DGKI: variants seen among roughly 807,000 people sequenced by gnomAD.
DGKI encodes DAG kinase iota.
In DGKI, 55 loss-of-function variants were observed where a neutral mutation model predicts 147.5. The ratio of observed to expected loss-of-function variants is 0.37; its 90% CI spans 0.30 to 0.47. DGKI has a LOEUF of 0.47. DGKI is among the 20% of genes least tolerant of loss of function. The probability of loss-of-function intolerance (pLI) is 1.00; values close to 1 mark genes in which losing one functional copy is unlikely to be tolerated. For missense variants in DGKI, 1,007 were observed against 1,323.8 expected (o/e 0.76, Z 3.71); for synonymous variants, 469 against 477.1 (o/e 0.98, Z 0.22).
chr7:137,779,614 C>T (rs1796459392), intron 1 of DGKI, among the ~76,000 whole-genome samples: 1 of 152,034 alleles, frequency 6.6e-6, no homozygotes, highest in South Asian at 2.1e-4. Context: ...TACTAATAAA[C>T]ATTTTTAAAC....
chr7:137,638,931 T>C (rs1163045139), intron 6 of DGKI, among the ~76,000 whole-genome samples: 3 of 152,020 alleles, frequency 2.0e-5, no homozygotes, highest in African/African-American at 4.8e-5. Context: ...TGATTTGCTT[T>C]TCATGAGGAA....
intron 3 of DGKI, among the ~76,000 whole-genome samples, chr7:137,678,307 G>A (rs1195580098): frequency 1.3e-5 from 2 of 152,038 alleles, no homozygotes; most frequent in Non-Finnish European, 2.9e-5. Flanking sequence ...CCTACCCTGG[G>A]CATCATTATA....
chr7:137,810,752 T>TC (rs1797538921), intron 1 of DGKI, among the ~76,000 whole-genome samples: 1 of 152,042 alleles, frequency 6.6e-6, no homozygotes, highest in African/African-American at 2.4e-5. Context: ...GAAGTTTTTT[T>TC]TTTAGTTATT....
intron 31 of DGKI, chr7:137,395,956 A>G (rs1247137708): frequency 4.3e-6 from 2 of 460,524 alleles, no homozygotes; most frequent in Non-Finnish European, 7.9e-6. Context: ...TTTAAAAGCT[A>G]CTACTATTTG....
intron 6 of DGKI, among the ~76,000 whole-genome samples, chr7:137,635,798 G>C (rs1340279566): frequency 1.3e-5 from 2 of 152,160 alleles, no homozygotes; most frequent in Non-Finnish European, 2.9e-5. Flanking sequence ...ACAAAATACA[G>C]AAATACAGAA....
intron 1 of DGKI, among the ~76,000 whole-genome samples, chr7:137,712,053 T>C (rs1794232712): frequency 6.6e-6 from 1 of 152,152 alleles, no homozygotes; most frequent in African/African-American, 2.4e-5. Flanking sequence ...TTTAAGTGCT[T>C]GGCACATAGA....
At chr7:137,508,221 T>C (rs1221016895) in intron 21 of DGKI, among the ~76,000 whole-genome samples, 2 of 118,530 alleles carry the variant, frequency 1.7e-5, no homozygotes, top group African/African-American at 4.0e-5. Flanking sequence ...ACAGGTTTCT[T>C]TTTTTTTTTT....
intron 1 of DGKI, among the ~76,000 whole-genome samples, chr7:137,760,095 G>C (rs922625456): frequency 2.0e-5 from 3 of 152,138 alleles, no homozygotes; most frequent in Non-Finnish European, 2.9e-5. Flanking sequence ...TCCAGTCACA[G>C]AGGAGTCACT....
At position 137,387,811 on chromosome 7, in the gene DGKI, A is replaced by C. The variant is rs1264840237; in HGVS notation, c.*3409T>G. Reference sequence around the variant, plus strand: ...AAAAAAACCCCTAAATATTATTAATAAAATTGACATGTAATAAAATAAAGA... The same window carrying C: ...AAAAAAACCCCTAAATATTATTAATCAAATTGACATGTAATAAAATAAAGA... On this transcript the variant is annotated 3_prime_UTR_variant, in exon 33 of 33. Transcript: ENST00000614521. The C allele has an allele frequency of 2.0e-5, 3 of 152,238 alleles. No individual in the cohort carries two copies. Among genetic ancestry groups the C allele is most frequent in the Admixed American group, 2.0e-4 (3 of 15,280 alleles). 9.4% of individuals were successfully genotyped at this position (152,238 alleles called of 1,614,324 possible). A position where few individuals can be genotyped will look rare whatever the true frequency, so the allele number is the denominator to read the frequency against.
intron 12 of DGKI, among the ~76,000 whole-genome samples, chr7:137,596,714 A>T (rs978342820): frequency 2.0e-5 from 3 of 152,176 alleles, no homozygotes; most frequent in Admixed American, 6.5e-5. Flanking sequence ...CATTGTTTTT[A>T]CTCTCCACAC....
At chr7:137,657,751 G>C (rs1166172192) in intron 3 of DGKI, among the ~76,000 whole-genome samples, 1 of 152,186 alleles carries the variant, frequency 6.6e-6, no homozygotes, top group Non-Finnish European at 1.5e-5. Flanking sequence ...TAATTTTTGA[G>C]TCAACTGTGT....
chr7:137,503,219 G>C (rs1816243904), intron 21 of DGKI, among the ~76,000 whole-genome samples: 1 of 152,164 alleles, frequency 6.6e-6, no homozygotes, highest in African/African-American at 2.4e-5. Flanking sequence ...CAGAATTAAA[G>C]TAAGTATTGC....
chr7:137,637,156 T>C (rs1433011444), intron 6 of DGKI, among the ~76,000 whole-genome samples: 1 of 152,224 alleles, frequency 6.6e-6, no homozygotes, highest in Non-Finnish European at 1.5e-5. Flanking sequence ...AAGGCCTCTG[T>C]TGTGACTGCC....
In DGKI at chr7:137,383,174, A is replaced by G. The variant is rs1013208042; in HGVS notation, c.*8046T>C. 1.3e-5 allele frequency: 2 copies of G among 151,840 alleles called. No homozygotes were observed. The highest frequency in any genetic ancestry group is 4.8e-5 in the African/African-American group (2 of 41,394). The allele number at this position is 151,840 out of a possible 1,614,324, so 9.4% of individuals were successfully genotyped here. ...CCTGAATCTGTGACCTTTTTGCTTTAGTAGAAACATATCTTTTTTAGGAGA... is the reference window on the plus strand; with the variant it reads ...CCTGAATCTGTGACCTTTTTGCTTTGGTAGAAACATATCTTTTTTAGGAGA... On this transcript the variant is annotated 3_prime_UTR_variant, in exon 33 of 33. Transcript: ENST00000614521.
intron 30 of DGKI, among the ~76,000 whole-genome samples, chr7:137,403,128 G>C (rs1026024579): frequency 6.6e-6 from 1 of 152,180 alleles, no homozygotes; most frequent in South Asian, 2.1e-4. Flanking sequence ...GCTGAAAAGC[G>C]GGAAGCACTG....
chr7:137,570,763 T>C (rs1818766430), intron 19 of DGKI, among the ~76,000 whole-genome samples: 1 of 152,112 alleles, frequency 6.6e-6, no homozygotes, highest in South Asian at 2.1e-4. Flanking sequence ...CTAATTTTTG[T>C]AGTTTTAGTA....
intron 1 of DGKI, among the ~76,000 whole-genome samples, chr7:137,742,045 A>C (rs1585431757): frequency 6.6e-6 from 1 of 152,238 alleles, no homozygotes; most frequent in African/African-American, 2.4e-5. Flanking sequence ...AGTTTCTCCA[A>C]ACCAATGGAA....
chr7:137,772,752 T>G (rs1051392873), intron 1 of DGKI, among the ~76,000 whole-genome samples: 2 of 152,262 alleles, frequency 1.3e-5, no homozygotes, highest in Admixed American at 6.5e-5. Flanking sequence ...TTCCAAGTTG[T>G]TGTATTCATA....
chr7:137,454,154 T>C (rs1814089072), intron 27 of DGKI, among the ~76,000 whole-genome samples: 1 of 152,166 alleles, frequency 6.6e-6, no homozygotes, highest in Non-Finnish European at 1.5e-5. Flanking sequence ...AAAATAACTG[T>C]GTGATGTAAT....
Sources: allele counts gnomAD v4.1 joint callset (sites outside exome capture counted in the v4.1 genomes callset), GRCh38; gene constraint gnomAD v4.1.1; transcripts MANE v1.5; gene names NCBI Gene and HGNC (gene_info 2026-07-23, HGNC 2026-07-21).